The following ADGRG7 variants were observed in gnomAD, a reference collection of about 807,000 sequenced individuals.
The protein encoded by ADGRG7 is G-protein coupled receptor 128.
Under a neutral mutation model 88.6 loss-of-function variants are expected in ADGRG7, and 82 were observed. The ratio of observed to expected loss-of-function variants is 0.93; its 90% CI spans 0.77 to 1.11. The LOEUF is 1.11. Among genes scored for constraint, ADGRG7 ranks in the 50% most tolerant of loss-of-function variants. The probability of loss-of-function intolerance (pLI) is 0.00; values close to 1 mark genes in which losing one functional copy is unlikely to be tolerated. For synonymous variants in ADGRG7, 381 were observed against 345.2 expected, an observed-to-expected ratio of 1.10 and a Z score of -1.15; for missense variants, 945 against 953.4, an observed-to-expected ratio of 0.99 and a Z score of 0.12.
At chr3:100,638,981 A>G (rs142182240) in intron 6 of ADGRG7, among the ~76,000 whole-genome samples, 277 of 151,812 alleles carry the variant, frequency 1.8e-3, no homozygotes, top group Non-Finnish European at 3.0e-3. Context: ...ACCTGTTGGT[A>G]TATATTCCAG....
At chr3:100,648,329 C>A (rs1351802866) in intron 10 of ADGRG7, among the ~76,000 whole-genome samples, 1 of 71,204 alleles carries the variant, frequency 1.4e-5, no homozygotes, top group Non-Finnish European at 3.5e-5. Flanking sequence ...AAGAGCAAAT[C>A]GGCTCTGAGT....
At chr3:100,646,547 T>A in intron 9 of ADGRG7, 22 bp from the exon 10 acceptor site, 1 of 1,590,092 alleles carries the variant, frequency 6.3e-7, no homozygotes, top group Non-Finnish European at 8.6e-7. Flanking sequence ...ACAGTAATTG[T>A]AATTGTCTTA....
At chr3:100,625,429 T>A (rs189891777) in intron 1 of ADGRG7, among the ~76,000 whole-genome samples, 22 of 152,306 alleles carry the variant, frequency 1.4e-4, no homozygotes, top group Non-Finnish European at 2.6e-4. Context: ...TTTAAGGAGT[T>A]TTGGGGCTGA....
chr3:100,633,326 A>G lies in ADGRG7; in HGVS notation c.396A>G (p.Gln132=). Residue 132 remains glutamine (Q), a synonymous_variant, in exon 4 of 16, where the codon CAA becomes CAG. Coordinates refer to ENST00000273352, the MANE Select transcript of ADGRG7 (RefSeq NM_032787.3). ...SLSLYGEIEL[Q]KVTIGNCNEN... ...CTCTATATGGAGAGATAGAATTACAAAAAGTGACAATAGGAAATTGCAATG... is the reference window on the plus strand; with the variant it reads ...CTCTATATGGAGAGATAGAATTACAGAAAGTGACAATAGGAAATTGCAATG... The G allele has an allele frequency of 1.3e-6, 2 of 1,591,108 alleles. No homozygotes were observed. The highest frequency in any genetic ancestry group is 1.7e-6 in the Non-Finnish European group (2 of 1,168,060).
rs752751320 is a variant in ADGRG7 at position 100,655,069 on chromosome 3, AG to A, written c.1615del (p.Val539Ter). Reference protein sequence around the residue: ...IAALLHYFLLVTFTWNALSAA... With the variant: ...IAALLHYFLLXTFTWNALSAA... ...CCGCCTTACTGCACTATTTTCTGTT[AG>A]TGACATTTACCTGGAACGCACTCAG... On this transcript the variant is annotated frameshift_variant, in exon 12 of 16. Coordinates refer to ENST00000273352, the MANE Select transcript of ADGRG7 (RefSeq NM_032787.3). LOFTEE classifies it high-confidence loss of function. 4 of 1,613,986 alleles carry A rather than the reference AG, an allele frequency of 2.5e-6. No homozygotes were observed. The Admixed American group carries it at 6.7e-5, about 27-fold the overall frequency.
At chr3:100,629,528 TG>T in intron 1 of ADGRG7, 69 bp from the exon 2 acceptor site, 1 of 985,986 alleles carries the variant, frequency 1.0e-6, no homozygotes, top group Non-Finnish European at 1.6e-6. Flanking sequence ...AGAAATTAAG[TG>T]GCCACAGGCA....
At chr3:100,631,046 T>C (rs1707454062) in intron 3 of ADGRG7, among the ~76,000 whole-genome samples, 1 of 152,180 alleles carries the variant, frequency 6.6e-6, no homozygotes, top group Admixed American at 6.5e-5. Flanking sequence ...AATCTTTCCT[T>C]AATTGGTTTA....
chr3:100,672,987 A>G (rs1019106757), intron 15 of ADGRG7, among the ~76,000 whole-genome samples: 2 of 152,146 alleles, frequency 1.3e-5, no homozygotes, highest in African/African-American at 4.8e-5. Context: ...TTTCACATCG[A>G]TGTTCATCAG....
chr3:100,681,300 CTTTTCTTTTTTTTTT>C (rs933141468), intron 15 of ADGRG7, among the ~76,000 whole-genome samples: 4 of 144,938 alleles, frequency 2.8e-5, no homozygotes, highest in East Asian at 2.0e-4. Flanking sequence ...GACATCTTTT[CTTTTCTTTTTTTTTT>C]TTTTCTTTTT....
intron 1 of ADGRG7, among the ~76,000 whole-genome samples, chr3:100,628,259 G>GTT (rs1377601505): frequency 6.7e-6 from 1 of 149,528 alleles, no homozygotes; most frequent in Non-Finnish European, 1.5e-5. Flanking sequence ...CCTTCAAGTA[G>GTT]TTTTTTTTTT....
intron 1 of ADGRG7, among the ~76,000 whole-genome samples, chr3:100,612,067 T>G (rs1707162609): frequency 6.6e-6 from 1 of 152,082 alleles, no homozygotes; most frequent in Admixed American, 6.6e-5. Flanking sequence ...ACACACAAAA[T>G]TTTGCATAAA....
Position 100,695,000 on chromosome 3 carries a change from A to G in ADGRG7, c.2393A>G (p.Ter798TrpextTer15), listed in dbSNP as rs781423790. 6.2e-7 allele frequency: 1 copy of G among 1,613,096 alleles called. No individual in the cohort carries two copies. Among genetic ancestry groups the G allele is most frequent in the African/African-American group, 1.3e-5 (1 of 74,886 alleles). The change falls in exon 16 of 16, where the codon TAG (stop) becomes TGG (tryptophan). Residue 798 changes from the stop codon to tryptophan (W), a stop_lost. Coordinates refer to ENST00000273352, the MANE Select transcript of ADGRG7 (RefSeq NM_032787.3). ...SESDNAKESI[*>W] ...AGTGACAATGCAAAGGAAAGCATCT[A>G]GACAGTAAAACTTACCTGTTGTGGT...
chr3:100,647,829 G>A (rs1045050293), intron 10 of ADGRG7, among the ~76,000 whole-genome samples: 3 of 152,228 alleles, frequency 2.0e-5, no homozygotes, highest in African/African-American at 7.2e-5. Flanking sequence ...CCAAGGAGAA[G>A]CAGATGTTTT....
intron 1 of ADGRG7, among the ~76,000 whole-genome samples, chr3:100,615,999 A>G (rs536690317): frequency 1.9e-4 from 29 of 152,152 alleles, no homozygotes; most frequent in Non-Finnish European, 2.9e-4. Context: ...GTTCAGAGCC[A>G]TAAGTAAGGA....
At chr3:100,635,649 AG>A (rs1707525606) in intron 4 of ADGRG7, 27 bp from the exon 5 acceptor site, 1 of 1,605,788 alleles carries the variant, frequency 6.2e-7, no homozygotes, top group Non-Finnish European at 8.5e-7. Context: ...GTGTAAAGCT[AG>A]GGTTTTTTTT....
At chr3:100,665,262 T>C (rs1195154703) in intron 14 of ADGRG7, 1 of 540,486 alleles carries the variant, frequency 1.9e-6, no homozygotes, top group African/African-American at 1.9e-5. Flanking sequence ...TTGATATTTA[T>C]AACTATACAC....
intron 15 of ADGRG7, among the ~76,000 whole-genome samples, chr3:100,689,438 G>C (rs995778544): frequency 6.6e-6 from 1 of 152,128 alleles, no homozygotes; most frequent in Non-Finnish European, 1.5e-5. Flanking sequence ...CAGTTATTTT[G>C]CTCGTTAGTT....
chr3:100,646,096 C>T lies in ADGRG7; in HGVS notation c.1098C>T (p.Val366=). 2 of 1,612,116 alleles carry T rather than the reference C, an allele frequency of 1.2e-6. No homozygotes were observed. Among genetic ancestry groups the T allele is most frequent in the African/African-American group, 2.7e-5 (2 of 74,514 alleles). The change falls in exon 9 of 16, where the codon GTC becomes GTT. Residue 366 remains valine, a synonymous_variant. Coordinates refer to ENST00000273352, the MANE Select transcript of ADGRG7 (RefSeq NM_032787.3). The stretch of plus-strand genomic sequence containing the variant: ...ATCAGAGTGCTTCTGTTGACATGGT[C>T]TTTAGTCCAAAGGTGAGTTTTTCAT... ...EQDQSASVDM[V]FSPKYNQKEF... is the part of the protein sequence containing the mutation.
At chr3:100,666,414 T>C (rs2094951790) in intron 14 of ADGRG7, among the ~76,000 whole-genome samples, 1 of 152,196 alleles carries the variant, frequency 6.6e-6, no homozygotes, top group African/African-American at 2.4e-5. Context: ...CAAAGGTCTT[T>C]GCATCATAGA....
Sources: allele counts gnomAD v4.1 joint callset (sites outside exome capture counted in the v4.1 genomes callset), GRCh38; gene constraint gnomAD v4.1.1; transcripts MANE v1.5; gene names NCBI Gene and HGNC (gene_info 2026-07-23, HGNC 2026-07-21).